PDE1C: variants seen among roughly 807,000 people sequenced by gnomAD.
PDE1C encodes phosphodiesterase 1C.
Under a neutral mutation model 93.1 loss-of-function variants are expected in PDE1C, and 62 were observed. That is an observed-to-expected ratio of 0.67 (90% CI 0.54 to 0.82). The LOEUF (loss-of-function observed/expected upper bound fraction) is 0.82, where lower values mean the gene tolerates loss of function less well. Among genes scored for constraint, PDE1C ranks in the 40% least tolerant of loss-of-function variants. PDE1C has a pLI of 0.00. For synonymous variants in PDE1C, 325 were observed against 310.1 expected (o/e 1.05, Z -0.50); for missense variants, 742 against 884.6 (o/e 0.84, Z 2.04).
At chr7:32,076,111 T>C (rs890887398), upstream of PDE1C, among the ~76,000 whole-genome samples, 2 of 152,164 alleles carry the variant, frequency 1.3e-5, 1 homozygote, top group Middle Eastern at 6.3e-3. Flanking sequence ...GATTTGACTA[T>C]AATAGACATA....
chr7:32,317,984 A>C (rs749236213), intron 1 of PDE1C, among the ~76,000 whole-genome samples: 2 of 152,206 alleles, frequency 1.3e-5, no homozygotes, highest in Admixed American at 6.5e-5. Context: ...TACCATAAAG[A>C]GACAGGGTCA....
At chr7:31,798,268 A>G (rs1785553439) in intron 16 of PDE1C, among the ~76,000 whole-genome samples, 1 of 151,734 alleles carries the variant, frequency 6.6e-6, no homozygotes, top group Non-Finnish European at 1.5e-5. Flanking sequence ...AATCCTCTCC[A>G]GCATAATCAA....
At chr7:31,838,737 C>A (rs1791435815) in intron 9 of PDE1C, among the ~76,000 whole-genome samples, 1 of 151,994 alleles carries the variant, frequency 6.6e-6, no homozygotes, top group Non-Finnish European at 1.5e-5. Flanking sequence ...CTGCCTCTAA[C>A]GACTTTATTG....
intron 3 of PDE1C, among the ~76,000 whole-genome samples, chr7:32,099,738 C>G (rs181565745): frequency 2.6e-4 from 39 of 152,322 alleles, no homozygotes; most frequent in African/African-American, 9.1e-4. Flanking sequence ...TGCCTTTACT[C>G]AAGTGCACCA....
chr7:32,104,277 A>T lies in PDE1C; in HGVS notation c.308+65508T>A, dbSNP rs1404259878. On this transcript the variant is annotated intron_variant, in intron 3 of 18. Coordinates refer to the PDE1C transcript ENST00000396193. ...AGAGAGAATATACTAAGAAGTTTCC[A>T]GAGAGGGTGAAAAAAGTGCAGTTGG... Among the ~76,000 whole-genome samples the T allele has an allele frequency of 2.6e-5, 4 of 152,194 alleles. No homozygotes were observed. The East Asian group carries it at 7.7e-4, about 29-fold the overall frequency.
chr7:31,853,461 G>A (rs73092449), intron 7 of PDE1C, among the ~76,000 whole-genome samples: 4,060 of 152,244 alleles, frequency 0.027, 77 homozygotes, highest in Non-Finnish European at 0.044. Context: ...GCAAGTCCCA[G>A]CAGCAAAAGC....
chr7:32,084,570 C>T (rs1796940100), intron 3 of PDE1C, among the ~76,000 whole-genome samples: 2 of 151,938 alleles, frequency 1.3e-5, no homozygotes, highest in African/African-American at 4.8e-5. Flanking sequence ...CACCACACCA[C>T]ACCTATTCCA....
chr7:31,874,414 A>T (rs971872837), intron 5 of PDE1C, among the ~76,000 whole-genome samples: 2 of 152,234 alleles, frequency 1.3e-5, no homozygotes, highest in African/African-American at 4.8e-5. Context: ...TGAGCTTGAC[A>T]GCAAGGATTC....
intron 16 of PDE1C, among the ~76,000 whole-genome samples, chr7:31,798,459 T>A (rs1448143371): frequency 4.0e-5 from 6 of 151,720 alleles, no homozygotes; most frequent in Admixed American, 2.0e-4. Context: ...CAAAGTAAAT[T>A]TCACTAAAAA....
At chr7:32,419,392 C>T (rs1211350593) in intron 1 of PDE1C, among the ~76,000 whole-genome samples, 2 of 152,174 alleles carry the variant, frequency 1.3e-5, no homozygotes, top group African/African-American at 4.8e-5. Context: ...AGCAAAAAAG[C>T]AGCCCCTCTA....
At chr7:31,699,924 G>A in the PDE1C span, among the ~76,000 whole-genome samples, 1 of 151,904 alleles carries the variant, frequency 6.6e-6, no homozygotes. Context: ...TGGTGTATGC[G>A]TTCTGTCTGT....
intron 2 of PDE1C, among the ~76,000 whole-genome samples, chr7:31,882,331 C>T (rs1358313908): frequency 6.6e-6 from 1 of 152,130 alleles, no homozygotes; most frequent in Non-Finnish European, 1.5e-5. Context: ...ATTTCAGAGG[C>T]AGCACGAGAC....
At chr7:32,381,931 A>C (rs1023428186) in intron 1 of PDE1C, among the ~76,000 whole-genome samples, 16 of 152,196 alleles carry the variant, frequency 1.1e-4, no homozygotes, top group Admixed American at 9.2e-4. Context: ...AAGACCCTCT[A>C]AATATTTACC....
the PDE1C span, among the ~76,000 whole-genome samples, chr7:31,673,711 AGT>A: frequency 1.9e-5 from 1 of 52,062 alleles, no homozygotes; most frequent in African/African-American, 1.6e-4. Flanking sequence ...GGTAGAAACT[AGT>A]TTTTTTTTTT....
chr7:31,644,834 A>G, the PDE1C span, among the ~76,000 whole-genome samples: 1 of 152,230 alleles, frequency 6.6e-6, no homozygotes, highest in African/African-American at 2.4e-5. Flanking sequence ...CACAGAGAAT[A>G]TAGGTTGCAG....
chr7:32,334,219 T>A (rs1783567893), intron 1 of PDE1C, among the ~76,000 whole-genome samples: 1 of 152,160 alleles, frequency 6.6e-6, no homozygotes, highest in Non-Finnish European at 1.5e-5. Context: ...AAGAACAACT[T>A]CAATTGCAAT....
At chr7:32,067,691 T>C (rs771666945) in intron 1 of PDE1C, among the ~76,000 whole-genome samples, 1 of 152,194 alleles carries the variant, frequency 6.6e-6, no homozygotes, top group Non-Finnish European at 1.5e-5. Flanking sequence ...CACCTCAGTT[T>C]AGATTTCTGT....
intron 1 of PDE1C, among the ~76,000 whole-genome samples, chr7:32,325,406 C>G (rs1036962409): frequency 6.6e-6 from 1 of 152,192 alleles, no homozygotes; most frequent in Non-Finnish European, 1.5e-5. Context: ...CTGTCTCCCT[C>G]TCCTCCTTTG....
chr7:32,156,976 T>G (rs1449469829), intron 3 of PDE1C, among the ~76,000 whole-genome samples: 1 of 152,180 alleles, frequency 6.6e-6, no homozygotes, highest in East Asian at 1.9e-4. Context: ...AGGATAAATC[T>G]CCTTCCTCAT....
Sources: gnomAD v4.1 joint callset for allele counts (sites outside exome capture counted in the v4.1 genomes callset) on GRCh38, gnomAD v4.1.1 for gene constraint, MANE v1.5 for transcripts, NCBI Gene and HGNC (gene_info 2026-07-23, HGNC 2026-07-21) for gene names.